Variants in ANKS1B observed in about 807,000 individuals in gnomAD.
ANKS1B encodes ankyrin repeat and sterile alpha motif domain containing 1B.
ANKS1B carries 36 observed loss-of-function variants against 148.3 expected under a neutral mutation model. That is an observed-to-expected ratio of 0.24 (90% CI 0.19 to 0.32). The LOEUF (loss-of-function observed/expected upper bound fraction) is 0.32, where lower values mean the gene tolerates loss of function less well. Among genes scored for constraint, ANKS1B ranks in the 10% least tolerant of loss-of-function variants. ANKS1B has a pLI of 1.00. For missense variants in ANKS1B, 1,157 were observed against 1,542.6 expected, an observed-to-expected ratio of 0.75 and a Z score of 4.19; for synonymous variants, 542 against 560.8, an observed-to-expected ratio of 0.97 and a Z score of 0.47.
At chr12:99,327,660 T>C (rs946299870) in intron 12 of ANKS1B, among the ~76,000 whole-genome samples, 34 of 149,722 alleles carry the variant, frequency 2.3e-4, no homozygotes, top group African/African-American at 6.6e-4. Context: ...TCATTGGTCT[T>C]ACCTTGTTAT....
chr12:99,950,521 A>G (rs991648869), intron 1 of ANKS1B, among the ~76,000 whole-genome samples: 4 of 152,098 alleles, frequency 2.6e-5, no homozygotes, highest in Admixed American at 2.0e-4. Flanking sequence ...TTCATTACTG[A>G]GCCAGATAAT....
intron 10 of ANKS1B, among the ~76,000 whole-genome samples, chr12:99,475,372 T>C (rs1024202379): frequency 6.6e-6 from 1 of 151,762 alleles, no homozygotes; most frequent in African/African-American, 2.4e-5. Flanking sequence ...TATTGTGCAT[T>C]CTAACAATAA....
At chr12:99,465,922 C>T (rs888454616) in intron 10 of ANKS1B, among the ~76,000 whole-genome samples, 20 of 152,122 alleles carry the variant, frequency 1.3e-4, no homozygotes, top group African/African-American at 4.3e-4. Flanking sequence ...GGAATTGAAC[C>T]CAGCTCTGCA....
intron 9 of ANKS1B, chr12:98,735,641 A>G (rs751211976): frequency 1.3e-6 from 1 of 765,126 alleles, no homozygotes; most frequent in Non-Finnish European, 2.5e-6. Flanking sequence ...GATCCTGTAA[A>G]AAAGAGAATT....
At chr12:99,671,590 A>C (rs1188217094) in intron 8 of ANKS1B, among the ~76,000 whole-genome samples, 5 of 152,130 alleles carry the variant, frequency 3.3e-5, no homozygotes, top group Non-Finnish European at 7.4e-5. Flanking sequence ...CATGAAAGTA[A>C]AATTTGGGAG....
chr12:98,862,175 GT>G, intron 17 of ANKS1B, among the ~76,000 whole-genome samples: 1 of 152,218 alleles, frequency 6.6e-6, no homozygotes, highest in African/African-American at 2.4e-5. Context: ...TGACATTAAA[GT>G]TTCCTTTTCT....
chr12:99,087,826 A>G (rs2052470617), intron 15 of ANKS1B, among the ~76,000 whole-genome samples: 2 of 152,208 alleles, frequency 1.3e-5, no homozygotes, highest in Non-Finnish European at 2.9e-5. Flanking sequence ...TCTCTAGGTA[A>G]TCCTGACAAC....
chr12:99,615,245 A>T (rs2097944400), intron 9 of ANKS1B, among the ~76,000 whole-genome samples: 1 of 152,188 alleles, frequency 6.6e-6, no homozygotes, highest in Non-Finnish European at 1.5e-5. Flanking sequence ...AAAAATCAAG[A>T]AAAAATCATC....
At chr12:99,105,941 C>T (rs1318522771) in intron 15 of ANKS1B, among the ~76,000 whole-genome samples, 3 of 152,074 alleles carry the variant, frequency 2.0e-5, no homozygotes, top group Admixed American at 6.6e-5. Context: ...TTTGAAGAGG[C>T]TGATTCAGGT....
At chr12:99,302,250 T>A (rs1287991617) in intron 12 of ANKS1B, among the ~76,000 whole-genome samples, 1 of 152,078 alleles carries the variant, frequency 6.6e-6, no homozygotes, top group Non-Finnish European at 1.5e-5. Context: ...ACAGGGGAAT[T>A]TTGCCGCAGT....
rs183280479 is a variant in ANKS1B, at chr12:98,931,549, T to C, written c.2779-99413A>G. 7.0e-4 allele frequency: 106 copies of C among 152,316 alleles called. 1 individual carries two copies. Among genetic ancestry groups the C allele is most frequent in the African/African-American group, 2.4e-3 (101 of 41,578 alleles). The allele number at this position is 152,316 out of a possible 1,614,324, so 9.4% of individuals were successfully genotyped here. A position where few individuals can be genotyped will look rare whatever the true frequency, so the allele number is the denominator to read the frequency against. ...GTACACTTCAAAGGTAGGCTAACTA[T>C]TTAAACCAGAGACAGAACACTCTGT... On this transcript the variant is annotated intron_variant, in intron 17 of 26. Transcript: ENST00000683438.
intron 7 of ANKS1B, among the ~76,000 whole-genome samples, chr12:99,774,781 A>ACATTG (rs2063502273): frequency 6.6e-6 from 1 of 151,992 alleles, no homozygotes; most frequent in Admixed American, 6.6e-5. Flanking sequence ...GTGTGTATAC[A>ACATTG]TTTATATACA....
At chr12:99,833,925 T>C (rs916473224) in intron 1 of ANKS1B, among the ~76,000 whole-genome samples, 4 of 152,164 alleles carry the variant, frequency 2.6e-5, no homozygotes, top group Admixed American at 1.3e-4. Context: ...ACATCTTTTT[T>C]AAACAAGGAG....
At chr12:98,781,429 G>A (rs1015477643) in intron 23 of ANKS1B, 30 of 621,260 alleles carry the variant, frequency 4.8e-5, no homozygotes, top group East Asian at 3.0e-4. Flanking sequence ...AAAGTTATCC[G>A]TCTTGCCCTT....
chr12:99,909,298 A>G (rs1320515313), intron 1 of ANKS1B, among the ~76,000 whole-genome samples: 2 of 151,148 alleles, frequency 1.3e-5, no homozygotes, highest in Non-Finnish European at 2.9e-5. Flanking sequence ...TCATCCATCA[A>G]CAAATGCCTA....
intron 12 of ANKS1B, among the ~76,000 whole-genome samples, chr12:99,319,104 A>G (rs974647892): frequency 6.6e-6 from 1 of 152,126 alleles, no homozygotes; most frequent in African/African-American, 2.4e-5. Context: ...TATGTGGTCA[A>G]TTTTGGAATA....
At chr12:99,645,365 C>A (rs147301724) in intron 9 of ANKS1B, among the ~76,000 whole-genome samples, 1 of 152,080 alleles carries the variant, frequency 6.6e-6, no homozygotes, top group African/African-American at 2.4e-5. Context: ...AATAATATCT[C>A]GATTCATTGT....
chr12:99,809,438 G>T (rs2068059971), intron 3 of ANKS1B, among the ~76,000 whole-genome samples: 1 of 151,120 alleles, frequency 6.6e-6, no homozygotes, highest in South Asian at 2.1e-4. Context: ...GAAATTTAAA[G>T]AAATTGAAAA....
chr12:99,735,404 T>C (rs2153573594), intron 8 of ANKS1B, among the ~76,000 whole-genome samples: 1 of 151,966 alleles, frequency 6.6e-6, no homozygotes, highest in East Asian at 1.9e-4. Flanking sequence ...TCCAAATAAA[T>C]AAAATCAGAA....
Sources: gnomAD v4.1 joint callset for allele counts (sites outside exome capture counted in the v4.1 genomes callset) on GRCh38, gnomAD v4.1.1 for gene constraint, MANE v1.5 for transcripts, NCBI Gene and HGNC (gene_info 2026-07-23, HGNC 2026-07-21) for gene names.